CYP2E1: variants seen among roughly 807,000 people sequenced by gnomAD.
CYP2E1 encodes cytochrome P450 2E1.
CYP2E1 carries 31 observed loss-of-function variants against 42.9 expected under a neutral mutation model. The observed-to-expected ratio is 0.72, with a 90% CI of 0.54 to 0.98. The LOEUF is 0.98. Ranked by LOEUF, CYP2E1 falls within the 50% of genes least tolerant of loss-of-function variation. The pLI, the probability that CYP2E1 is intolerant of heterozygous loss-of-function variation, is 0.00. For synonymous variants in CYP2E1, 244 were observed against 248.9 expected (o/e 0.98, Z 0.19); for missense variants, 565 against 633.2 (o/e 0.89, Z 1.16).
chr10:133,529,297 G>A (rs1851310013), intron 2 of CYP2E1, among the ~76,000 whole-genome samples: 1 of 152,194 alleles, frequency 6.6e-6, no homozygotes, highest in South Asian at 2.1e-4. Flanking sequence ...GGTCTGGCTC[G>A]TCTTTATCTG....
At chr10:133,529,149 G>A (rs79006515) in intron 2 of CYP2E1, among the ~76,000 whole-genome samples, 1,535 of 152,306 alleles carry the variant, frequency 0.01, 17 homozygotes, top group African/African-American at 0.035. Context: ...CGGGAAGGGG[G>A]AAGAGACCCA....
intron 2 of CYP2E1, among the ~76,000 whole-genome samples, chr10:133,529,744 C>T (rs980015466): frequency 6.6e-6 from 1 of 152,224 alleles, no homozygotes; most frequent in South Asian, 2.1e-4. Context: ...CGGGGGTCGC[C>T]GGCTCCAGCT....
rs774878128 is a variant in CYP2E1, at chr10:133,533,827, G to A, written c.897G>A (p.Ala299=). The change falls in exon 6 of 9, where the codon GCG becomes GCA. Residue 299 remains alanine (A), a synonymous_variant. Coordinates refer to ENST00000252945, the MANE Select transcript of CYP2E1 (RefSeq NM_000773.4). ...TGACTGTGGCCGACCTGTTCTTTGCGGGGACAGAGACCACCAGCACAACTC... is the reference window on the plus strand; with the variant it reads ...TGACTGTGGCCGACCTGTTCTTTGCAGGGACAGAGACCACCAGCACAACTC... ...ITVTVADLFF[A]GTETTSTTLR... is the part of the protein sequence containing the mutation. The A allele has an allele frequency of 5.6e-6, 9 of 1,614,026 alleles. No individual in the cohort carries two copies. Among genetic ancestry groups the A allele is most frequent in the East Asian group, 2.2e-5 (1 of 44,900 alleles).
intron 1 of CYP2E1, chr10:133,528,219 T>TCCGCGGAGTTG (rs1396122929): frequency 2.4e-5 from 9 of 379,578 alleles, no homozygotes; most frequent in African/African-American, 1.6e-4. Context: ...GGAGCCGGAG[T>TCCGCGGAGTTG]CCGCGGAGTT....
chr10:133,531,649 G>C lies in CYP2E1; in HGVS notation c.402G>C (p.Arg134=), dbSNP rs1182986795. 2 of 1,613,846 alleles carry C rather than the reference G, an allele frequency of 1.2e-6. No individual in the cohort carries two copies. The highest frequency in any genetic ancestry group is 2.2e-5 in the South Asian group (2 of 91,066). The change falls in exon 3 of 9, where the codon CGG becomes CGC. Residue 134 remains arginine (R), a synonymous_variant. Transcript: ENST00000252945. ...GGCGGTTTTCCCTGACCACCCTCCGGAACTATGGGATGGGGAAACAGGGCA... is the reference window on the plus strand; with the variant it reads ...GGCGGTTTTCCCTGACCACCCTCCGCAACTATGGGATGGGGAAACAGGGCA... ...DIRRFSLTTL[R]NYGMGKQGNE...
At position 133,537,736 on chromosome 10, in the gene CYP2E1, C is replaced by G. The variant is rs765522224; in HGVS notation, c.1156-15C>G. On this transcript the variant is annotated splice_polypyrimidine_tract_variant and intron_variant, in intron 7 of 8. Transcript: ENST00000252945. ...TGTTAACATGACTCACTGAGACAGTCTTTGTTTCTCCTAGGGCACAGTCGT... is the reference window on the plus strand; with the variant it reads ...TGTTAACATGACTCACTGAGACAGTGTTTGTTTCTCCTAGGGCACAGTCGT... 6.2e-7 allele frequency: 1 copy of G among 1,606,964 alleles called. No homozygotes were observed. Among genetic ancestry groups the G allele is most frequent in the South Asian group, 1.1e-5 (1 of 89,550 alleles).
At chr10:133,537,720 G>A (rs1158540158) in intron 7 of CYP2E1, 31 bp from the exon 8 acceptor site, 4 of 1,593,212 alleles carry the variant, frequency 2.5e-6, no homozygotes, top group Non-Finnish European at 3.4e-6. Context: ...TTGTTAACAT[G>A]ACTCACTGAG....
chr10:133,533,083 C>T (rs900523930), intron 5 of CYP2E1, among the ~76,000 whole-genome samples: 2 of 152,194 alleles, frequency 1.3e-5, no homozygotes, highest in African/African-American at 2.4e-5. Context: ...GTCACATGGG[C>T]GGGACGCTTA....
intron 1 of CYP2E1, among the ~76,000 whole-genome samples, chr10:133,527,892 C>T (rs1400390481): frequency 6.6e-6 from 1 of 152,260 alleles, no homozygotes; most frequent in Non-Finnish European, 1.5e-5. Context: ...GGGCGTCCGC[C>T]TGTGTTTGCC....
chr10:133,528,137 C>G (rs527994331), intron 1 of CYP2E1: 84 of 257,462 alleles, frequency 3.3e-4, no homozygotes, highest in Admixed American at 7.3e-4. Flanking sequence ...GCGCCAGAAC[C>G]GGGTCCAGAA....
At position 133,537,861 on chromosome 10, in the gene CYP2E1, G is replaced by A. The variant is rs773320312; in HGVS notation, c.1266G>A (p.Lys422=). The change falls in exon 8 of 9, where the codon AAG becomes AAA. Residue 422 remains lysine, a synonymous_variant. Transcript: ENST00000252945. ...EHFLNENGKF[K]YSDYFKPFST... The stretch of plus-strand genomic sequence containing the variant: ...TCCTGAATGAAAATGGAAAGTTCAA[G>A]TACAGTGACTATTTCAAGCCATTTT... 3.7e-5 allele frequency: 59 copies of A among 1,613,776 alleles called. No individual in the cohort carries two copies. Among genetic ancestry groups the A allele is most frequent in the Non-Finnish European group, 4.9e-5 (58 of 1,179,922 alleles).
chr10:133,527,435 G>A lies in CYP2E1; in HGVS notation c.40G>A (p.Ala14Thr). 6.2e-7 allele frequency: 1 copy of A among 1,613,220 alleles called. No homozygotes were observed. Among genetic ancestry groups the A allele is most frequent in the Non-Finnish European group, 8.5e-7 (1 of 1,179,766 alleles). Reference sequence around the variant, plus strand: ...AGTCACCGTGGCCCTGCTGGTGTGGGCGGCCTTCCTCCTGCTGGTGTCCAT... The same window carrying A: ...AGTCACCGTGGCCCTGCTGGTGTGGACGGCCTTCCTCCTGCTGGTGTCCAT... ...LGVTVALLVWAAFLLLVSMWR... is the reference protein window; with the variant it reads ...LGVTVALLVWTAFLLLVSMWR... Residue 14 changes from alanine to threonine, a missense_variant, in exon 1 of 9, where the codon GCG (alanine) becomes ACG (threonine). By Grantham distance (58) the Ala-to-Thr change is moderately conservative. Coordinates refer to ENST00000252945, the MANE Select transcript of CYP2E1 (RefSeq NM_000773.4).
At chr10:133,532,636 C>T in intron 4 of CYP2E1, 56 bp from the exon 5 acceptor site, 3 of 1,430,890 alleles carry the variant, frequency 2.1e-6, no homozygotes, top group Middle Eastern at 1.9e-4. Context: ...TGGTCCAACA[C>T]ACACAATTAT....
rs913681430 is a variant in CYP2E1, at chr10:133,532,721, C to T, written c.678C>T (p.His226=). The change falls in exon 5 of 9, where the codon CAC becomes CAT. Residue 226 remains histidine, a synonymous_variant. Coordinates refer to ENST00000252945, the MANE Select transcript of CYP2E1 (RefSeq NM_000773.4). The part of the protein sequence containing the change: ...QLYNNFPSFL[H]YLPGSHRKVI... ...ACAATAATTTTCCCAGCTTTCTACA[C>T]TACTTGCCTGGAAGCCACAGAAAAG... The T allele has an allele frequency of 5.0e-6, 8 of 1,608,340 alleles. No homozygotes were observed. Among genetic ancestry groups the T allele is most frequent in the South Asian group, 2.2e-5 (2 of 89,424 alleles).
At position 133,537,968 on chromosome 10, in the gene CYP2E1, C is replaced by A. The variant is rs1455867772; in HGVS notation, c.1297+76C>A. 23 of 1,473,620 alleles carry A rather than the reference C, an allele frequency of 1.6e-5. 1 individual carries two copies. Among genetic ancestry groups the A allele is most frequent in the Non-Finnish European group, 2.1e-5 (23 of 1,084,322 alleles). The allele number at this position is 1,473,620 out of a possible 1,614,324, so 91.3% of individuals were successfully genotyped here. A position where few individuals can be genotyped will look rare whatever the true frequency, so the allele number is the denominator to read the frequency against. The stretch of plus-strand genomic sequence containing the variant: ...TCATCTCCCCTCCACATGTGCTCTG[C>A]CCTCGTCCCAGGCACCCACTGACAC... On this transcript the variant is annotated intron_variant, in intron 8 of 8. Transcript: ENST00000252945.
chr10:133,532,115 GT>G lies in CYP2E1; in HGVS notation c.488-5del. ...CATCTTCTGGTTGCCCTGACTGCCT[GT>G]TTTGTAGGCCAGCCTTTCGACCCCA... On this transcript the variant is annotated splice_polypyrimidine_tract_variant and splice_region_variant and intron_variant, in intron 3 of 8. Transcript: ENST00000252945. The G allele has an allele frequency of 1.2e-6, 2 of 1,611,536 alleles. No individual in the cohort carries two copies. Among genetic ancestry groups the G allele is most frequent in the Non-Finnish European group, 1.7e-6 (2 of 1,178,312 alleles).
At position 133,532,832 on chromosome 10, in the gene CYP2E1, G is replaced by A; in HGVS notation, c.789G>A (p.Arg263=). The change falls in exon 5 of 9, where the codon CGG becomes CGA. Residue 263 remains arginine (R), a synonymous_variant. Transcript: ENST00000252945. ...HHQSLDPNCP[R]DLTDCLLVEM... is the part of the protein sequence containing the mutation. ...AATCTCTGGACCCCAACTGTCCCCG[G>A]GACCTCACCGACTGCCTGCTCGTGG... 6.2e-7 allele frequency: 1 copy of A among 1,611,350 alleles called. No individual in the cohort carries two copies. The highest frequency in any genetic ancestry group is 8.5e-7 in the Non-Finnish European group (1 of 1,179,306).
chr10:133,538,765 C>T lies in CYP2E1; in HGVS notation c.1298-15C>T, dbSNP rs1027274159. On this transcript the variant is annotated splice_polypyrimidine_tract_variant and intron_variant, in intron 8 of 8. Coordinates refer to ENST00000252945, the MANE Select transcript of CYP2E1 (RefSeq NM_000773.4). ...AACTCCCTCAGTGTCTCATCAATACCATTGTTACTTCTAGGAAAACGAGTG... is the reference window on the plus strand; with the variant it reads ...AACTCCCTCAGTGTCTCATCAATACTATTGTTACTTCTAGGAAAACGAGTG... 1.9e-6 allele frequency: 3 copies of T among 1,611,142 alleles called. No homozygotes were observed. In the African/African-American group the frequency reaches 4.0e-5, roughly 22 times the overall value.
chr10:133,534,035 A>C (rs935347170), intron 6 of CYP2E1, 138 bp downstream of exon 6: 3 of 917,626 alleles, frequency 3.3e-6, no homozygotes, highest in African/African-American at 1.6e-5. Context: ...GGCTAGATGC[A>C]CTGCTGTGAG....
Sources: gnomAD v4.1 joint callset for allele counts (sites outside exome capture counted in the v4.1 genomes callset) on GRCh38, gnomAD v4.1.1 for gene constraint, MANE v1.5 for transcripts, NCBI Gene and HGNC (gene_info 2026-07-23, HGNC 2026-07-21) for gene names.